MYOM1: variants seen among roughly 807,000 people sequenced by gnomAD.
MYOM1 encodes myomesin-1.
In MYOM1, 164 loss-of-function variants were observed where a neutral mutation model predicts 205.3. That is an observed-to-expected ratio of 0.80 (90% confidence interval 0.70 to 0.91). The LOEUF is 0.91. MYOM1 is among the 40% of genes least tolerant of loss of function. The pLI is 0.00. For missense variants in MYOM1, 2,011 were observed against 2,127.3 expected (o/e 0.95, Z 1.08); for synonymous variants, 772 against 789.4 (o/e 0.98, Z 0.37).
the MYOM1 span, among the ~76,000 whole-genome samples, chr18:3,237,062 G>A: frequency 6.6e-6 from 1 of 152,134 alleles, no homozygotes; most frequent in African/African-American, 2.4e-5. Context: ...GCACACATTT[G>A]ATGGAGTGGT....
At chr18:3,126,167 A>C (rs1477732188) in intron 19 of MYOM1, among the ~76,000 whole-genome samples, 3 of 150,556 alleles carry the variant, frequency 2.0e-5, no homozygotes, top group African/African-American at 7.3e-5. Context: ...CAGGAGGCTG[A>C]GGCAGGAGAA....
At position 3,143,353 on chromosome 18, in the gene MYOM1, C is replaced by T. The variant is rs189462591; in HGVS notation, c.1901-1290G>A. ...AACAAAAGATAAAATACCTGCACTA[C>T]GAGAAATGTTCAAGGAAGTGCTTCA... On this transcript the variant is annotated intron_variant, in intron 13 of 37. Transcript: ENST00000356443. Among the ~76,000 whole-genome samples, 436 of 151,786 alleles carry T rather than the reference C, an allele frequency of 2.9e-3. 2 individuals are homozygous for T. Among genetic ancestry groups the T allele is most frequent in the African/African-American group, 9.9e-3 (409 of 41,384 alleles).
At chr18:3,173,473 G>A (rs1475141809) in intron 8 of MYOM1, among the ~76,000 whole-genome samples, 1 of 152,006 alleles carries the variant, frequency 6.6e-6, no homozygotes, top group African/African-American at 2.4e-5. Context: ...ACTGGGTAGG[G>A]TGTAGGGGCG....
intron 5 of MYOM1, among the ~76,000 whole-genome samples, chr18:3,185,919 G>A (rs1258216721): frequency 6.6e-6 from 1 of 152,210 alleles, no homozygotes; most frequent in African/African-American, 2.4e-5. Flanking sequence ...TTAGAAGCCA[G>A]GAGCGCTGGC....
At chr18:3,197,841 C>CCA (rs1468403287) in intron 2 of MYOM1, among the ~76,000 whole-genome samples, 5 of 152,038 alleles carry the variant, frequency 3.3e-5, no homozygotes, top group Non-Finnish European at 7.4e-5. Context: ...CCACTGCACT[C>CCA]TGGCCTGGGT....
At chr18:3,231,834 G>A in the MYOM1 span, among the ~76,000 whole-genome samples, 1 of 141,638 alleles carries the variant, frequency 7.1e-6, no homozygotes, top group African/African-American at 2.6e-5. Context: ...GAGCCACTGC[G>A]CCCAGCCGCA....
intron 9 of MYOM1, among the ~76,000 whole-genome samples, chr18:3,166,737 G>T (rs995319558): frequency 7.7e-4 from 117 of 151,990 alleles, no homozygotes; most frequent in Non-Finnish European, 1.3e-3. Flanking sequence ...GGACAATACC[G>T]CAAGGCATTA....
chr18:3,242,415 T>G, the MYOM1 span, among the ~76,000 whole-genome samples: 15 of 152,196 alleles, frequency 9.9e-5, no homozygotes, highest in African/African-American at 3.6e-4. Context: ...AGATGTGACT[T>G]TCATCTTCCG....
chr18:3,144,571 T>C (rs778887699), intron 13 of MYOM1, among the ~76,000 whole-genome samples: 12 of 152,122 alleles, frequency 7.9e-5, no homozygotes, highest in African/African-American at 2.4e-4. Context: ...GACCCAAATA[T>C]ATGCTGCCTA....
chr18:3,148,635 C>T (rs933548322), intron 13 of MYOM1, among the ~76,000 whole-genome samples: 1 of 151,928 alleles, frequency 6.6e-6, no homozygotes, highest in Non-Finnish European at 1.5e-5. Flanking sequence ...ATCACGAGGT[C>T]AGGAGATCGA....
chr18:3,157,178 A>G (rs1023949827), intron 10 of MYOM1, among the ~76,000 whole-genome samples: 1 of 152,188 alleles, frequency 6.6e-6, no homozygotes, highest in Admixed American at 6.5e-5. Flanking sequence ...TCCATGGCAT[A>G]GATGCACGAT....
At chr18:3,091,884 A>G (rs2079232052) in intron 26 of MYOM1, among the ~76,000 whole-genome samples, 1 of 152,090 alleles carries the variant, frequency 6.6e-6, no homozygotes, top group African/African-American at 2.4e-5. Flanking sequence ...GGCGTGTGCC[A>G]CCATACCCAG....
intron 27 of MYOM1, 81 bp from the exon 28 acceptor site, chr18:3,089,677 A>G: frequency 9.3e-7 from 1 of 1,072,144 alleles, no homozygotes; most frequent in East Asian, 2.5e-5. Flanking sequence ...TAAGTGATTT[A>G]TATTCATTAT....
chr18:3,137,970 A>T (rs1228344083), intron 14 of MYOM1, among the ~76,000 whole-genome samples: 2 of 152,142 alleles, frequency 1.3e-5, no homozygotes, highest in Non-Finnish European at 2.9e-5. Flanking sequence ...TTAAAAAAAG[A>T]TGTTCTCTTT....
At chr18:3,182,081 T>A (rs1299172463) in intron 5 of MYOM1, among the ~76,000 whole-genome samples, 1 of 152,098 alleles carries the variant, frequency 6.6e-6, no homozygotes, top group Non-Finnish European at 1.5e-5. Context: ...TGCTTGAGGA[T>A]CTAGTCCAGT....
At chr18:3,089,347 A>G (rs2079193039) in intron 28 of MYOM1, 106 bp from the exon 29 acceptor site, 1 of 958,508 alleles carries the variant, frequency 1.0e-6, no homozygotes, top group East Asian at 2.6e-5. Context: ...CAGATTTTTA[A>G]AATTCTAGAT....
At chr18:3,111,976 G>A (rs926897738) in intron 22 of MYOM1, among the ~76,000 whole-genome samples, 1 of 152,134 alleles carries the variant, frequency 6.6e-6, no homozygotes, top group Non-Finnish European at 1.5e-5. Flanking sequence ...GAGACTTAAT[G>A]GCCAGGGTGT....
intron 22 of MYOM1, among the ~76,000 whole-genome samples, chr18:3,102,955 T>C (rs2079400803): frequency 6.6e-6 from 1 of 152,168 alleles, no homozygotes; most frequent in Non-Finnish European, 1.5e-5. Flanking sequence ...GGAAAGTCAA[T>C]TGATCTTTAT....
intron 14 of MYOM1, among the ~76,000 whole-genome samples, chr18:3,140,861 A>G (rs986802171): frequency 2.1e-4 from 32 of 152,332 alleles, no homozygotes; most frequent in African/African-American, 7.7e-4. Flanking sequence ...ATACCTTTTC[A>G]TGCTATCACA....
Sources: allele counts gnomAD v4.1 joint callset (sites outside exome capture counted in the v4.1 genomes callset), GRCh38; gene constraint gnomAD v4.1.1; transcripts MANE v1.5; gene names NCBI Gene and HGNC (gene_info 2026-07-23, HGNC 2026-07-21).